Variants in ANO4 observed in about 807,000 individuals in gnomAD.
ANO4 encodes the protein anoctamin 4, also known as anoctamin-4.
Under a neutral mutation model 141.9 loss-of-function variants are expected in ANO4, and 69 were observed. That is an observed-to-expected ratio of 0.49 (90% CI 0.40 to 0.59). The LOEUF (loss-of-function observed/expected upper bound fraction) is 0.59. Ranked by LOEUF, ANO4 falls within the 20% of genes least tolerant of loss-of-function variation. The probability of loss-of-function intolerance (pLI) is 0.00; values close to 1 mark genes in which losing one functional copy is unlikely to be tolerated. For missense variants in ANO4, 894 were observed against 1,162.2 expected, an observed-to-expected ratio of 0.77 and a Z score of 3.36; for synonymous variants, 350 against 394.3, an observed-to-expected ratio of 0.89 and a Z score of 1.33.
chr12:100,867,354 T>C (rs1272602587), intron 1 of ANO4, among the ~76,000 whole-genome samples: 1 of 152,122 alleles, frequency 6.6e-6, no homozygotes, highest in African/African-American at 2.4e-5. Context: ...TTTCAGTTCA[T>C]GTCCAAAGGC....
chr12:100,796,036 ATTTTTT>A (rs34968573), intron 1 of ANO4, among the ~76,000 whole-genome samples: 9 of 141,582 alleles, frequency 6.4e-5, no homozygotes, highest in Non-Finnish European at 1.2e-4. Flanking sequence ...CTTAACAGGG[ATTTTTT>A]TTTTTTTTTT....
At chr12:100,915,114 C>T (rs1279885097) in intron 2 of ANO4, among the ~76,000 whole-genome samples, 1 of 152,152 alleles carries the variant, frequency 6.6e-6, no homozygotes, top group East Asian at 1.9e-4. Context: ...AGCCACCACA[C>T]CCAGCCTTCC....
chr12:101,117,936 AGTTCCCAG>A, intron 25 of ANO4, among the ~76,000 whole-genome samples: 1 of 152,146 alleles, frequency 6.6e-6, no homozygotes, highest in Admixed American at 6.5e-5. Flanking sequence ...ACTCATGCCA[AGTTCCCAG>A]GTCTCATTGG....
At chr12:100,717,594 G>C (rs2030659292) in intron 1 of ANO4, 1 of 399,584 alleles carries the variant, frequency 2.5e-6, no homozygotes, top group African/African-American at 2.1e-5. Context: ...GCGGAAGGGA[G>C]GGGCCCAGGG....
At chr12:100,906,594 T>C (rs770489331) in intron 2 of ANO4, among the ~76,000 whole-genome samples, 4 of 152,122 alleles carry the variant, frequency 2.6e-5, no homozygotes, top group Admixed American at 1.3e-4. Context: ...TCCTAGGGAC[T>C]GAGAGGCCAA....
rs143410243 is a variant in ANO4 at position 100,949,083 on chromosome 12, A to G, written c.456+6548A>G. On this transcript the variant is annotated intron_variant, in intron 5 of 27. Coordinates refer to ENST00000392977, the MANE Select transcript of ANO4 (RefSeq NM_001286615.2). ...AAGCAGGGATCTTAGTCCTACAACC[A>G]CAAGGAGATGAATTCTGCCAATAAC... Among the ~76,000 whole-genome samples, 36 of 152,290 alleles carry G rather than the reference A, an allele frequency of 2.4e-4. 1 individual carries two copies. The highest frequency in any genetic ancestry group is 1.5e-5 in the Non-Finnish European group (1 of 68,024).
intron 1 of ANO4, among the ~76,000 whole-genome samples, chr12:100,725,343 C>CTTTTTT (rs5800419): frequency 2.6e-5 from 3 of 114,948 alleles, no homozygotes; most frequent in Non-Finnish European, 5.2e-5. Flanking sequence ...AAATTGGTAT[C>CTTTTTT]TTTTTTTTTT....
exon 3 of ANO4, chr12:100,740,093 C>A: frequency 2.8e-6 from 2 of 702,366 alleles, no homozygotes; most frequent in South Asian, 1.5e-5. Context: ...AACCCTGAGT[C>A]AAGACACAAC....
chr12:100,777,989 G>A (rs1209741480), intron 3 of ANO4, among the ~76,000 whole-genome samples: 3 of 149,526 alleles, frequency 2.0e-5, no homozygotes, highest in Non-Finnish European at 4.4e-5. Flanking sequence ...GCGTGATCTC[G>A]GCTCACTGCA....
At position 100,996,885 on chromosome 12, in the gene ANO4, A is replaced by G. The variant is rs115370816; in HGVS notation, c.734+9215A>G. ...AGCACCAATGGCAACAATAAAAATG[A>G]TAGCAACCACTGTTTACTAAACAAC... On this transcript the variant is annotated intron_variant, in intron 8 of 27. Coordinates refer to ENST00000392977, the MANE Select transcript of ANO4 (RefSeq NM_001286615.2). 2.1e-3 allele frequency among the ~76,000 whole-genome samples: 318 copies of G among 151,052 alleles called. 2 individuals are homozygous for G. The highest frequency in any genetic ancestry group is 7.2e-3 in the African/African-American group (295 of 40,838).
chr12:100,763,276 C>T (rs1029642418), intron 3 of ANO4, among the ~76,000 whole-genome samples: 2 of 152,182 alleles, frequency 1.3e-5, no homozygotes, highest in Admixed American at 1.3e-4. Flanking sequence ...AACCCACAGG[C>T]GTGGCAGCAC....
In ANO4 at chr12:101,116,734, G is replaced by C. The variant is rs550603443; in HGVS notation, c.2506G>C (p.Glu836Gln). 2.5e-6 allele frequency: 4 copies of C among 1,614,094 alleles called. No homozygotes were observed. In the South Asian group the frequency reaches 4.4e-5, roughly 18 times the overall value. Reference sequence around the variant, plus strand: ...GTCTGTATTTCGAATTTCTGACTTTGAGAACCGATCTGAGCCTGAATCTGA... The same window carrying C: ...GTCTGTATTTCGAATTTCTGACTTTCAGAACCGATCTGAGCCTGAATCTGA... ...SLSVFRISDF[E>Q]NRSEPESDGS... The change falls in exon 25 of 28, where the codon GAG becomes CAG. Residue 836 changes from glutamate (E) to glutamine (Q), a missense_variant. Physicochemically the swap from Glu to Gln is conservative, Grantham distance 29. This residue lies in a region of ANO4 where 637 missense variants were observed against 909.2 expected (regional missense o/e 0.70). Transcript: ENST00000392977.
Position 101,019,356 on chromosome 12 carries a change from C to A in ANO4, c.735-678C>A, listed in dbSNP as rs116706201. Among the ~76,000 whole-genome samples the A allele has an allele frequency of 2.0e-3, 309 of 152,236 alleles. 1 individual carries two copies. Among genetic ancestry groups the A allele is most frequent in the African/African-American group, 6.9e-3 (286 of 41,540 alleles). ...CCTCTTAGTAGGGTACAAGCACCTA[C>A]TGGAAAGCCGTGTGTGTGTGTGTGC... On this transcript the variant is annotated intron_variant, in intron 8 of 27. Transcript: ENST00000392977.
rs1037428278 is a variant in ANO4 at position 100,761,026 on chromosome 12, C to G, written c.358+20921C>G. ...TCTGGGAGAGTTCTTTCTCTTGCCC[C>G]TTTGGCTACCAGGGACTTCCTTAAT... On this transcript the variant is annotated intron_variant, in intron 3 of 29. Transcript: ENST00000644049. 2.0e-5 allele frequency among the ~76,000 whole-genome samples: 3 copies of G among 152,142 alleles called. No individual in the cohort carries two copies. The East Asian group carries it at 5.8e-4, about 29-fold the overall frequency.
At chr12:100,907,068 C>T (rs1200505978) in intron 2 of ANO4, among the ~76,000 whole-genome samples, 4 of 152,258 alleles carry the variant, frequency 2.6e-5, no homozygotes, top group African/African-American at 4.8e-5. Flanking sequence ...GGTTCTCCTC[C>T]AGAGAGGATA....
intron 22 of ANO4, among the ~76,000 whole-genome samples, chr12:101,104,594 T>C (rs1215083675): frequency 1.5e-5 from 1 of 65,244 alleles, no homozygotes; most frequent in East Asian, 3.2e-4. Flanking sequence ...AATATATATA[T>C]GTGTGTGTGT....
intron 8 of ANO4, among the ~76,000 whole-genome samples, chr12:100,989,625 G>C (rs1298208764): frequency 1.7e-5 from 1 of 59,536 alleles, no homozygotes; most frequent in African/African-American, 5.3e-5. Flanking sequence ...ATGGATAGAT[G>C]GATGGATGGA....
intron 1 of ANO4, among the ~76,000 whole-genome samples, chr12:100,820,614 A>G (rs1282283072): frequency 1.3e-5 from 2 of 152,058 alleles, no homozygotes. Context: ...GCGCAGTTCT[A>G]TCTCTACTGC....
At chr12:101,103,129 A>G (rs1054291024) in intron 22 of ANO4, among the ~76,000 whole-genome samples, 3 of 146,848 alleles carry the variant, frequency 2.0e-5, no homozygotes, top group South Asian at 2.1e-4. Flanking sequence ...CCATATATAC[A>G]TAATTGTATC....
Sources: gnomAD v4.1 joint callset for allele counts (sites outside exome capture counted in the v4.1 genomes callset) on GRCh38, gnomAD v4.1.1 for gene constraint, gnomAD v4.1.1 regional missense constraint, MANE v1.5 for transcripts, NCBI Gene and HGNC (gene_info 2026-07-23, HGNC 2026-07-21) for gene names.